Variants in SLC25A23 observed in about 807,000 individuals in gnomAD.
SLC25A23 encodes mitochondrial adenyl nucleotide antiporter SLC25A23.
Under a neutral mutation model 53.9 loss-of-function variants are expected in SLC25A23, and 32 were observed. The observed-to-expected ratio is 0.59, with a 90% CI of 0.45 to 0.80. The LOEUF is 0.80. Ranked by LOEUF, SLC25A23 falls within the 30% of genes least tolerant of loss-of-function variation. SLC25A23 has a pLI of 0.00. For synonymous variants in SLC25A23, 275 were observed against 264.5 expected, an observed-to-expected ratio of 1.04 and a Z score of -0.38; for missense variants, 575 against 651.4, an observed-to-expected ratio of 0.88 and a Z score of 1.28.
At chr19:6,452,587 A>C in intron 7 of SLC25A23, 108 bp from the exon 8 acceptor site, 1 of 1,349,182 alleles carries the variant, frequency 7.4e-7, no homozygotes, top group Non-Finnish European at 9.8e-7. Flanking sequence ...CCCTGAGAAC[A>C]ACCGAATTTT....
Position 6,442,178 on chromosome 19 carries a change from G to T in SLC25A23, c.1223-19C>A, listed in dbSNP as rs762502952. ...ATGGAGGCTGGGAGGGGGCGGGGGG[G>T]GCACCAGGTAAGGCCAACGTTCCCC... is the stretch of plus-strand genomic sequence containing the variant. On this transcript the variant is annotated intron_variant, in intron 9 of 9. Transcript: ENST00000301454. 4.1e-6 allele frequency: 6 copies of T among 1,471,874 alleles called. No homozygotes were observed. Among genetic ancestry groups the T allele is most frequent in the Non-Finnish European group, 5.4e-6 (6 of 1,101,112 alleles). 91.2% of individuals were successfully genotyped at this position (1,471,874 alleles called of 1,614,324 possible).
chr19:6,436,699 G>A (rs551781801), downstream of SLC25A23, among the ~76,000 whole-genome samples: 4 of 151,964 alleles, frequency 2.6e-5, no homozygotes, highest in East Asian at 1.9e-4. Context: ...ATAGGTGCCC[G>A]CCACCACGTC....
At chr19:6,446,760 G>C (rs180903064) in intron 8 of SLC25A23, among the ~76,000 whole-genome samples, 60 of 152,196 alleles carry the variant, frequency 3.9e-4, no homozygotes, top group African/African-American at 1.3e-3. Flanking sequence ...CCCTCCTTTG[G>C]GGGGGAACAT....
At chr19:6,436,347 T>G (rs1264448148), downstream of SLC25A23, 1 of 450,598 alleles carries the variant, frequency 2.2e-6, no homozygotes, top group Non-Finnish European at 4.5e-6. Context: ...CTGATAGAAT[T>G]GCAGTGAGAT....
chr19:6,437,479 G>A (rs898113207), downstream of SLC25A23, among the ~76,000 whole-genome samples: 2 of 152,124 alleles, frequency 1.3e-5, no homozygotes. Context: ...ACTGGATTGG[G>A]GGGGGTTGCC....
rs550400303 is a variant in SLC25A23, at chr19:6,458,723, T to C, written c.157-399A>G. ...CCCAGCTGCCTCTTAAAAAACCCTG[T>C]CCACATGGGGGACCCAGGGGTTCCC... On this transcript the variant is annotated intron_variant, in intron 1 of 9. Coordinates refer to ENST00000301454, the MANE Select transcript of SLC25A23 (RefSeq NM_024103.3). Among the ~76,000 whole-genome samples the C allele has an allele frequency of 4.5e-4, 68 of 152,300 alleles. No individual in the cohort carries two copies. In the South Asian group the frequency reaches 0.013, roughly 28 times the overall value.
At chr19:6,453,519 C>T (rs536406886) in intron 7 of SLC25A23, among the ~76,000 whole-genome samples, 41 of 152,250 alleles carry the variant, frequency 2.7e-4, no homozygotes, top group African/African-American at 8.9e-4. Flanking sequence ...GGATTACAGG[C>T]GCTAGACATC....
chr19:6,436,750 G>A (rs146250879), downstream of SLC25A23, among the ~76,000 whole-genome samples: 1 of 152,126 alleles, frequency 6.6e-6, no homozygotes, highest in African/African-American at 2.4e-5. Flanking sequence ...GGGTTGCCAT[G>A]TTGGCCAGGC....
intron 8 of SLC25A23, among the ~76,000 whole-genome samples, chr19:6,444,910 G>A (rs1276645021): frequency 2.0e-5 from 3 of 151,952 alleles, no homozygotes; most frequent in Non-Finnish European, 4.4e-5. Flanking sequence ...CTTGTGATCC[G>A]CCTGCCTCAG....
chr19:6,444,428 G>T, intron 8 of SLC25A23, 127 bp from the exon 9 acceptor site: 1 of 1,026,478 alleles, frequency 9.7e-7, no homozygotes, highest in Non-Finnish European at 1.4e-6. Flanking sequence ...ACCTCCTAGG[G>T]GCCGGGCCAG....
In SLC25A23 at chr19:6,453,575, A is replaced by G. The variant is rs564541981; in HGVS notation, c.903+406T>C. ...AAGTTTTCTGTCACTTTCAGAATCC[A>G]AACAATACACTTCATAACCTGAAAC... On this transcript the variant is annotated intron_variant, in intron 7 of 9. Coordinates refer to ENST00000301454, the MANE Select transcript of SLC25A23 (RefSeq NM_024103.3). 3.3e-5 allele frequency among the ~76,000 whole-genome samples: 5 copies of G among 152,318 alleles called. No homozygotes were observed. The East Asian group carries it at 7.7e-4, about 24-fold the overall frequency.
rs2092734769 is a variant in SLC25A23 at position 6,459,650 on chromosome 19, G to A, written c.-22C>T. ...GCATGGCGCCCGCCCGGGGGGGAGG[G>A]GAGGCCCGGCAGCGGCGGCCTCAGT... is the stretch of plus-strand genomic sequence containing the variant. On this transcript the variant is annotated 5_prime_UTR_variant, in exon 1 of 10. Transcript: ENST00000301454. This position sits in a 1 kb window ranked among gnomAD's most constrained non-coding sequence, Gnocchi z 4.6. 7.3e-7 allele frequency: 1 copy of A among 1,365,042 alleles called. No homozygotes were observed. Among genetic ancestry groups the A allele is most frequent in the Non-Finnish European group, 9.4e-7 (1 of 1,065,726 alleles). The allele number at this position is 1,365,042 out of a possible 1,614,324, so 84.6% of individuals were successfully genotyped here.
chr19:6,456,546 G>T lies in SLC25A23; in HGVS notation c.372-15C>A. 1.2e-6 allele frequency: 2 copies of T among 1,609,418 alleles called. No homozygotes were observed. The highest frequency in any genetic ancestry group is 8.5e-7 in the Non-Finnish European group (1 of 1,176,382). On this transcript the variant is annotated splice_polypyrimidine_tract_variant and intron_variant, in intron 3 of 9. Coordinates refer to ENST00000301454, the MANE Select transcript of SLC25A23 (RefSeq NM_024103.3). ...CTCGGTCCATGCTGGGGGGAAGAAAGGGGGTGGAGGAGGACAGGTTCAGTG... is the reference window on the plus strand; with the variant it reads ...CTCGGTCCATGCTGGGGGGAAGAAATGGGGTGGAGGAGGACAGGTTCAGTG...
At chr19:6,447,763 C>T (rs1020018426) in intron 8 of SLC25A23, among the ~76,000 whole-genome samples, 11 of 152,182 alleles carry the variant, frequency 7.2e-5, no homozygotes, top group African/African-American at 2.2e-4. Flanking sequence ...CTCCACCTCC[C>T]GGGTTCAAGA....
chr19:6,457,027 G>A (rs2092691424), intron 3 of SLC25A23, among the ~76,000 whole-genome samples: 1 of 151,264 alleles, frequency 6.6e-6, no homozygotes, highest in Admixed American at 6.6e-5. Flanking sequence ...GAGGCAACTG[G>A]TCCCAGATCT....
At chr19:6,449,042 A>G (rs1420667350) in intron 8 of SLC25A23, among the ~76,000 whole-genome samples, 1 of 151,696 alleles carries the variant, frequency 6.6e-6, no homozygotes, top group African/African-American at 2.4e-5. Context: ...AGAAAAAAAA[A>G]AGTTCTAAAG....
At position 6,441,590 on chromosome 19, in the gene SLC25A23, C is replaced by A. The variant is rs2092421651; in HGVS notation, c.*385G>T. 1 of 270,580 alleles carries A rather than the reference C, an allele frequency of 3.7e-6. No homozygotes were observed. The highest frequency in any genetic ancestry group is 2.3e-5 in the African/African-American group (1 of 43,982). 16.8% of individuals were successfully genotyped at this position (270,580 alleles called of 1,614,324 possible). A position where few individuals can be genotyped will look rare whatever the true frequency, so the allele number is the denominator to read the frequency against. On this transcript the variant is annotated 3_prime_UTR_variant, in exon 10 of 10. Transcript: ENST00000301454. ...GGGGCACAGGGAAGCGTGGGATCCA[C>A]CTTAGGATGTGGGGCTGCAGGATCC... is the stretch of plus-strand genomic sequence containing the variant.
At chr19:6,458,376 G>A (rs2092713149) in intron 1 of SLC25A23, 52 bp from the exon 2 acceptor site, 2 of 1,587,934 alleles carry the variant, frequency 1.3e-6, no homozygotes, top group Non-Finnish European at 1.7e-6. Flanking sequence ...CTCCTGATCT[G>A]GAGGGGACGC....
chr19:6,449,857 C>CTTT lies in SLC25A23; in HGVS notation c.1071+2452_1071+2454dup, dbSNP rs142681286. 9.8e-4 allele frequency among the ~76,000 whole-genome samples: 125 copies of CTTT among 127,138 alleles called. 1 individual carries two copies. The highest frequency in any genetic ancestry group is 3.5e-3 in the African/African-American group (89 of 25,454). 83.4% of individuals were successfully genotyped at this position (127,138 alleles called of 152,430 possible). A position where few individuals can be genotyped will look rare whatever the true frequency, so the allele number is the denominator to read the frequency against. On this transcript the variant is annotated intron_variant, in intron 8 of 9. Coordinates refer to ENST00000301454, the MANE Select transcript of SLC25A23 (RefSeq NM_024103.3). ...CCGCATCTTATTTCTACTCACAACT[C>CTTT]TTTTTTTTTTTTTTTTTTTTTTGAG...
Sources: allele counts gnomAD v4.1 joint callset (sites outside exome capture counted in the v4.1 genomes callset), GRCh38; gene constraint gnomAD v4.1.1; non-coding constraint Gnocchi (gnomAD v3.1); transcripts MANE v1.5; gene names NCBI Gene and HGNC (gene_info 2026-07-23, HGNC 2026-07-21).